MS4A13: variants seen among roughly 807,000 people sequenced by gnomAD.
MS4A13 encodes the protein membrane spanning 4-domains A13, also known as membrane-spanning 4-domains subfamily A member 13.
Under a neutral mutation model 18.4 loss-of-function variants are expected in MS4A13, and 21 were observed. The ratio of observed to expected loss-of-function variants is 1.14; its 90% CI spans 0.81 to 1.64. The LOEUF is 1.64. MS4A13 is among the 40% of genes most tolerant of loss of function. MS4A13 has a pLI of 0.00. For missense variants in MS4A13, 173 were observed against 176.8 expected, an observed-to-expected ratio of 0.98 and a Z score of 0.12; for synonymous variants, 62 against 57.2, an observed-to-expected ratio of 1.08 and a Z score of -0.38.
chr11:60,538,079 A>G (rs2086822418), intron 6 of MS4A13, among the ~76,000 whole-genome samples: 2 of 148,944 alleles, frequency 1.3e-5, no homozygotes, highest in Admixed American at 1.3e-4. Flanking sequence ...CTAATGCTGG[A>G]TGACACGTTG....
At chr11:60,520,752 T>G (rs914444123) in intron 3 of MS4A13, among the ~76,000 whole-genome samples, 1 of 152,296 alleles carries the variant, frequency 6.6e-6, no homozygotes, top group East Asian at 1.9e-4. Flanking sequence ...TGTCAGAGGA[T>G]CTACCATTCT....
At chr11:60,524,426 G>A (rs189913640) in intron 4 of MS4A13, among the ~76,000 whole-genome samples, 68 of 152,164 alleles carry the variant, frequency 4.5e-4, no homozygotes, top group Admixed American at 3.9e-4. Flanking sequence ...GAGCTAAAAC[G>A]TACCTTAGAA....
chr11:60,527,400 CTCTCTCTCTCTGTGTGTG>C (rs2086724517), intron 5 of MS4A13, among the ~76,000 whole-genome samples: 2 of 84,046 alleles, frequency 2.4e-5, no homozygotes, highest in Non-Finnish European at 4.6e-5. Context: ...CTCTCTCTCT[CTCTCTCTCTCTGTGTGTG>C]TGTGTGTGTG....
At chr11:60,541,422 A>G (rs2086857756) in intron 6 of MS4A13, among the ~76,000 whole-genome samples, 2 of 152,212 alleles carry the variant, frequency 1.3e-5, no homozygotes, top group African/African-American at 2.4e-5. Context: ...TTCAAATTTG[A>G]CATGGTGATT....
chr11:60,520,732 C>T (rs530078424), intron 3 of MS4A13, among the ~76,000 whole-genome samples: 2 of 152,314 alleles, frequency 1.3e-5, no homozygotes, highest in African/African-American at 2.4e-5. Context: ...TCCAGGCACA[C>T]GGTGCAAGCT....
chr11:60,538,751 G>A (rs1245237240), intron 6 of MS4A13, among the ~76,000 whole-genome samples: 1 of 142,720 alleles, frequency 7.0e-6, no homozygotes, highest in Admixed American at 7.2e-5. Context: ...ACATGACACA[G>A]CAAAAAGGAA....
At chr11:60,520,454 T>TG (rs1470873536) in intron 3 of MS4A13, among the ~76,000 whole-genome samples, 1 of 152,160 alleles carries the variant, frequency 6.6e-6, no homozygotes, top group African/African-American at 2.4e-5. Context: ...CTAGATACAA[T>TG]GGGGGTACAG....
At chr11:60,519,666 G>C (rs2086660636) in intron 3 of MS4A13, among the ~76,000 whole-genome samples, 1 of 152,226 alleles carries the variant, frequency 6.6e-6, no homozygotes, top group African/African-American at 2.4e-5. Flanking sequence ...AGCTGCATGA[G>C]TGCAACCATG....
At chr11:60,525,461 A>G in intron 5 of MS4A13, 135 bp downstream of exon 5, 1 of 531,374 alleles carries the variant, frequency 1.9e-6, no homozygotes, top group South Asian at 2.7e-5. Context: ...CTCTTGATTG[A>G]AAATTTTAAA....
At chr11:60,530,388 A>G (rs1334611564) in intron 6 of MS4A13, among the ~76,000 whole-genome samples, 4 of 152,230 alleles carry the variant, frequency 2.6e-5, no homozygotes, top group Admixed American at 2.6e-4. Flanking sequence ...GTCAAGGAAG[A>G]CTACTATGAT....
intron 6 of MS4A13, 59 bp from the exon 7 acceptor site, chr11:60,542,460 A>C: frequency 8.8e-7 from 1 of 1,140,390 alleles, no homozygotes; most frequent in South Asian, 1.4e-5. Flanking sequence ...AGATCTATTT[A>C]TTAGTTGTAT....
At chr11:60,525,728 T>A (rs1195952684) in intron 5 of MS4A13, among the ~76,000 whole-genome samples, 2 of 152,150 alleles carry the variant, frequency 1.3e-5, no homozygotes, top group African/African-American at 4.8e-5. Context: ...ATTTCTGGCT[T>A]AACATAGAAT....
intron 3 of MS4A13, among the ~76,000 whole-genome samples, chr11:60,520,979 T>G (rs187490773): frequency 1.3e-3 from 193 of 152,350 alleles, no homozygotes; most frequent in African/African-American, 4.4e-3. Context: ...CCTTAATTCT[T>G]GACTTCTGTG....
intron 3 of MS4A13, among the ~76,000 whole-genome samples, chr11:60,519,886 T>C (rs1483728760): frequency 1.3e-5 from 2 of 152,192 alleles, no homozygotes; most frequent in African/African-American, 4.8e-5. Context: ...AGAATTTTAA[T>C]ACTAGAGGGC....
chr11:60,542,216 AAAGAAAGAAAGG>A (rs2086865153), intron 6 of MS4A13, among the ~76,000 whole-genome samples: 1 of 106,022 alleles, frequency 9.4e-6, no homozygotes, highest in Admixed American at 8.4e-5. Flanking sequence ...GGGAGGAAGG[AAAGAAAGAAAGG>A]AAGGAAGGAA....
intron 6 of MS4A13, among the ~76,000 whole-genome samples, chr11:60,538,192 CGAA>C (rs2086825023): frequency 1.8e-5 from 2 of 109,088 alleles, no homozygotes; most frequent in South Asian, 3.3e-4. Context: ...AAAAAAAAAA[CGAA>C]AAAAAAAAAC....
intron 6 of MS4A13, among the ~76,000 whole-genome samples, chr11:60,539,313 C>A (rs2086837742): frequency 6.6e-6 from 1 of 151,688 alleles, no homozygotes; most frequent in African/African-American, 2.4e-5. Context: ...AATGGAGGTT[C>A]TAGAGTTTAA....
chr11:60,531,048 G>A (rs1273590761), intron 6 of MS4A13, among the ~76,000 whole-genome samples: 1 of 152,138 alleles, frequency 6.6e-6, no homozygotes, highest in African/African-American at 2.4e-5. Context: ...TTATAGCAGT[G>A]TGAAAACAGA....
chr11:60,538,019 G>A (rs1257080515), intron 6 of MS4A13, among the ~76,000 whole-genome samples: 1 of 115,830 alleles, frequency 8.6e-6, no homozygotes, highest in Non-Finnish European at 1.7e-5. Flanking sequence ...ACACTCTGGG[G>A]ACTGTGGTGG....
Sources: allele counts gnomAD v4.1 joint callset (sites outside exome capture counted in the v4.1 genomes callset), GRCh38; gene constraint gnomAD v4.1.1; transcripts MANE v1.5; gene names NCBI Gene and HGNC (gene_info 2026-07-23, HGNC 2026-07-21).